Variants in SPTLC3 observed in about 807,000 individuals in gnomAD.
The protein encoded by SPTLC3 is serine palmitoyltransferase long chain base subunit 3.
In SPTLC3, 36 loss-of-function variants were observed where a neutral mutation model predicts 59.3. The ratio of observed to expected loss-of-function variants is 0.61; its 90% CI spans 0.47 to 0.80. The LOEUF (loss-of-function observed/expected upper bound fraction) is 0.80, where lower values mean the gene tolerates loss of function less well. SPTLC3 is among the 30% of genes least tolerant of loss of function. SPTLC3 has a pLI of 0.00. For synonymous variants in SPTLC3, 257 were observed against 240.8 expected (o/e 1.07, Z -0.62); for missense variants, 625 against 685.1 (o/e 0.91, Z 0.98).
Position 13,136,452 on chromosome 20 carries a change from T to C in SPTLC3, c.1279+9735T>C, listed in dbSNP as rs116994302. On this transcript the variant is annotated intron_variant, in intron 9 of 11. Transcript: ENST00000399002. ...TCTCTACCAAAACATACAAAAAAAT[T>C]AGATGGCGGTGGTGGCAGACACCTG... Among the ~76,000 whole-genome samples, 68 of 151,554 alleles carry C rather than the reference T, an allele frequency of 4.5e-4. No individual in the cohort carries two copies. In the East Asian group the frequency reaches 0.012, roughly 26 times the overall value.
At chr20:13,071,782 A>G (rs1278137837) in intron 2 of SPTLC3, among the ~76,000 whole-genome samples, 1 of 152,156 alleles carries the variant, frequency 6.6e-6, no homozygotes, top group East Asian at 1.9e-4. Flanking sequence ...TCCTCTGATT[A>G]GTTTCCATTG....
chr20:13,037,625 C>CT (rs1251898609), intron 1 of SPTLC3, among the ~76,000 whole-genome samples: 2 of 152,150 alleles, frequency 1.3e-5, no homozygotes, highest in African/African-American at 4.8e-5. Context: ...ATGTGAATCT[C>CT]TTACAATCTT....
chr20:13,072,574 G>T (rs1025357435), intron 3 of SPTLC3, among the ~76,000 whole-genome samples, 164 bp downstream of exon 3: 4 of 152,182 alleles, frequency 2.6e-5, no homozygotes, highest in African/African-American at 9.7e-5. Flanking sequence ...GGAAGGCACA[G>T]TAAAGTAATC....
chr20:13,132,002 A>C (rs1180680524), intron 9 of SPTLC3, among the ~76,000 whole-genome samples: 1 of 151,880 alleles, frequency 6.6e-6, no homozygotes, highest in Non-Finnish European at 1.5e-5. Flanking sequence ...GCTCCCACAG[A>C]AGGGTCTTTG....
intron 7 of SPTLC3, among the ~76,000 whole-genome samples, chr20:13,115,460 A>G (rs1215568967): frequency 1.3e-5 from 2 of 152,100 alleles, no homozygotes. Flanking sequence ...GTGTCTACAA[A>G]CACTGTGGGC....
intron 2 of SPTLC3, among the ~76,000 whole-genome samples, chr20:13,063,966 A>T (rs1156310998): frequency 6.6e-6 from 1 of 151,850 alleles, no homozygotes; most frequent in Non-Finnish European, 1.5e-5. Flanking sequence ...AATTTTTTTA[A>T]AGATATTTCT....
chr20:13,151,991 A>T lies in SPTLC3; in HGVS notation c.1280-2012A>T, dbSNP rs115285576. The stretch of plus-strand genomic sequence containing the variant: ...AACTCTCAACTGCCTCTACTAAAAA[A>T]AAAAGATATAATCATAATCCAAACA... On this transcript the variant is annotated intron_variant, in intron 9 of 11. Coordinates refer to ENST00000399002, the MANE Select transcript of SPTLC3 (RefSeq NM_018327.4). Among the ~76,000 whole-genome samples the T allele has an allele frequency of 6.0e-3, 917 of 152,332 alleles. 8 individuals are homozygous for T. The highest frequency in any genetic ancestry group is 0.021 in the African/African-American group (865 of 41,572).
intron 2 of SPTLC3, among the ~76,000 whole-genome samples, chr20:13,055,637 C>T (rs1008957772): frequency 1.3e-5 from 2 of 152,104 alleles, no homozygotes; most frequent in Non-Finnish European, 2.9e-5. Context: ...CAGGTCTAAT[C>T]TTCTTGTTTA....
At chr20:13,063,011 A>C (rs116532313) in intron 2 of SPTLC3, among the ~76,000 whole-genome samples, 200 of 152,348 alleles carry the variant, frequency 1.3e-3, no homozygotes, top group African/African-American at 4.6e-3. Flanking sequence ...TTTGCCTTTC[A>C]AAAATGCTTG....
At chr20:13,032,756 A>G (rs1451197920) in intron 1 of SPTLC3, among the ~76,000 whole-genome samples, 2 of 152,006 alleles carry the variant, frequency 1.3e-5, no homozygotes, top group African/African-American at 4.8e-5. Context: ...TCCTTCACTC[A>G]CCACTCTGGC....
intron 11 of SPTLC3, chr20:13,164,400 C>A: frequency 2.1e-6 from 1 of 478,076 alleles, no homozygotes; most frequent in South Asian, 1.5e-5. Context: ...ATGCATTCTG[C>A]AACCTTATCT....
chr20:13,098,808 C>T (rs1166479377), intron 6 of SPTLC3, among the ~76,000 whole-genome samples: 4 of 152,100 alleles, frequency 2.6e-5, no homozygotes, highest in Admixed American at 6.6e-5. Context: ...AAGATTCAGG[C>T]TTAGAGTTAT....
chr20:13,141,888 G>A (rs1277896002), intron 9 of SPTLC3, among the ~76,000 whole-genome samples: 2 of 152,186 alleles, frequency 1.3e-5, no homozygotes, highest in Non-Finnish European at 2.9e-5. Flanking sequence ...TTGTGTGTGT[G>A]GACCTAAGGT....
intron 1 of SPTLC3, among the ~76,000 whole-genome samples, chr20:13,026,956 A>T (rs1438482842): frequency 1.3e-5 from 2 of 152,196 alleles, no homozygotes; most frequent in Non-Finnish European, 2.9e-5. Flanking sequence ...GCTGGATGAT[A>T]AATACCCCAG....
At chr20:13,110,283 G>GTGAGC in intron 7 of SPTLC3, 66 bp downstream of exon 7, 1 of 1,353,812 alleles carries the variant, frequency 7.4e-7, no homozygotes, top group Non-Finnish European at 1.0e-6. Context: ...GTGCGGAAAG[G>GTGAGC]CTCACCTTTC....
intron 4 of SPTLC3, among the ~76,000 whole-genome samples, chr20:13,079,504 A>G (rs916159847): frequency 6.6e-6 from 1 of 152,230 alleles, no homozygotes; most frequent in African/African-American, 2.4e-5. Context: ...CACCACCACC[A>G]AAAACACTTT....
At chr20:13,065,080 T>G (rs574355114) in intron 2 of SPTLC3, among the ~76,000 whole-genome samples, 9 of 152,234 alleles carry the variant, frequency 5.9e-5, no homozygotes, top group Non-Finnish European at 1.0e-4. Context: ...ATAGTTGCAT[T>G]GGAATTTCTT....
intron 1 of SPTLC3, among the ~76,000 whole-genome samples, chr20:13,048,629 C>T (rs1285548663): frequency 7.9e-5 from 12 of 152,128 alleles, no homozygotes; most frequent in Non-Finnish European, 1.2e-4. Context: ...GTTAAAGTAA[C>T]GACCCCAAGT....
intron 4 of SPTLC3, among the ~76,000 whole-genome samples, chr20:13,078,105 A>T (rs1417225845): frequency 6.7e-6 from 1 of 148,272 alleles, no homozygotes; most frequent in Non-Finnish European, 1.5e-5. Context: ...TTTATATATA[A>T]AATATAAATA....
Sources: gnomAD v4.1 joint callset for allele counts (sites outside exome capture counted in the v4.1 genomes callset) on GRCh38, gnomAD v4.1.1 for gene constraint, MANE v1.5 for transcripts, NCBI Gene and HGNC (gene_info 2026-07-23, HGNC 2026-07-21) for gene names.